ABCC3: variants seen among roughly 807,000 people sequenced by gnomAD.
The protein encoded by ABCC3 is ATP-binding cassette sub-family C member 3.
In ABCC3, 121 loss-of-function variants were observed where a neutral mutation model predicts 165.3. That is an observed-to-expected ratio of 0.73 (90% CI 0.63 to 0.85). The LOEUF (loss-of-function observed/expected upper bound fraction) is 0.85. ABCC3 is among the 40% of genes least tolerant of loss of function. The probability of loss-of-function intolerance (pLI) is 0.00; values close to 1 mark genes in which losing one functional copy is unlikely to be tolerated. For missense variants in ABCC3, 1,869 were observed against 1,964.1 expected, an observed-to-expected ratio of 0.95 and a Z score of 0.92; for synonymous variants, 733 against 810.1, an observed-to-expected ratio of 0.90 and a Z score of 1.62.
In ABCC3 at chr17:50,652,686, G is replaced by A. The variant is rs373275863; in HGVS notation, c.46-3146G>A. On this transcript the variant is annotated intron_variant, in intron 1 of 30. Coordinates refer to ENST00000285238, the MANE Select transcript of ABCC3 (RefSeq NM_003786.4). Reference sequence around the variant, plus strand: ...ATTGTTGTTCATGAAGTTAGCCACCGTCCCAGAAAGTGGCGTCTCAGACTC... The same window carrying A: ...ATTGTTGTTCATGAAGTTAGCCACCATCCCAGAAAGTGGCGTCTCAGACTC... 2.1e-4 allele frequency among the ~76,000 whole-genome samples: 32 copies of A among 152,274 alleles called. No individual in the cohort carries two copies. The East Asian group carries it at 3.3e-3, about 16-fold the overall frequency.
rs1322909969 is a variant in ABCC3 at position 50,657,084 on chromosome 17, G to A, written c.387G>A (p.Gln129=). The change falls in exon 4 of 31, where the codon CAG becomes CAA. Residue 129 remains glutamine (Q), a synonymous_variant. Coordinates refer to ENST00000285238, the MANE Select transcript of ABCC3 (RefSeq NM_003786.4). ...TGCTGATACAGTATGAGCGGCTGCA[G>A]GGCGTACAGTCTTCGGGGGTCCTCA... ...ATLLIQYERL[Q]GVQSSGVLII... is the part of the protein sequence containing the mutation. 1 of 1,614,194 alleles carries A rather than the reference G, an allele frequency of 6.2e-7. No homozygotes were observed. The highest frequency in any genetic ancestry group is 1.1e-5 in the South Asian group (1 of 91,084).
chr17:50,681,407 C>G (rs980453782), intron 26 of ABCC3, among the ~76,000 whole-genome samples: 1 of 152,184 alleles, frequency 6.6e-6, no homozygotes, highest in Non-Finnish European at 1.5e-5. Context: ...AGCCCAGCCC[C>G]TCCATTTCTT....
chr17:50,678,292 C>A, intron 25 of ABCC3, 73 bp downstream of exon 25: 1 of 1,469,146 alleles, frequency 6.8e-7, no homozygotes, highest in South Asian at 1.5e-5. Context: ...AGGCATCTCC[C>A]GAGTGCCCCT....
chr17:50,672,938 A>G, intron 17 of ABCC3, 33 bp from the exon 18 acceptor site: 1 of 1,603,636 alleles, frequency 6.2e-7, no homozygotes, highest in Non-Finnish European at 8.5e-7. Context: ...TGCCTGTCTG[A>G]CCCCATTTTT....
chr17:50,655,807 A>C (rs1343847880), intron 1 of ABCC3, 25 bp from the exon 2 acceptor site: 3 of 1,611,556 alleles, frequency 1.9e-6, no homozygotes, highest in Non-Finnish European at 2.5e-6. Flanking sequence ...CTGCCACAGC[A>C]CTAAACTGTT....
chr17:50,673,512 C>T lies in ABCC3; in HGVS notation c.2453C>T (p.Thr818Ile). 6.2e-7 allele frequency: 1 copy of T among 1,614,170 alleles called. No individual in the cohort carries two copies. The highest frequency in any genetic ancestry group is 1.3e-5 in the African/African-American group (1 of 75,046). Residue 818 changes from threonine (T) to isoleucine (I), a missense_variant, in exon 19 of 31, where the codon ACA (threonine) becomes ATA (isoleucine). Thr to Ile is a moderately conservative substitution (Grantham distance 89). Coordinates refer to ENST00000285238, the MANE Select transcript of ABCC3 (RefSeq NM_003786.4). ...VTHGISFLPQ[T>I]DFIIVLADGQ... ...CACGGCATTAGCTTCCTGCCCCAGA[C>T]AGACTTCATCATTGTGCTAGCTGAT...
At chr17:50,679,620 G>A in intron 25 of ABCC3, 178 bp from the exon 26 acceptor site, 1 of 582,688 alleles carries the variant, frequency 1.7e-6, no homozygotes, top group Admixed American at 3.0e-5. Flanking sequence ...GCCCAAGGGA[G>A]TCATTCGTGA....
intron 4 of ABCC3, 74 bp downstream of exon 4, chr17:50,657,257 G>T: frequency 1.3e-6 from 2 of 1,562,010 alleles, no homozygotes. Flanking sequence ...CAAAGTCACT[G>T]CTGGGTCCCA....
At chr17:50,685,934 G>A (rs1401406790) in intron 29 of ABCC3, among the ~76,000 whole-genome samples, 53 of 152,230 alleles carry the variant, frequency 3.5e-4, no homozygotes, top group East Asian at 1.9e-4. Flanking sequence ...AGTGGCTCAC[G>A]CCTGTAATCC....
chr17:50,663,653 C>T (rs761382655), intron 8 of ABCC3, 28 bp from the exon 9 acceptor site: 51 of 1,612,276 alleles, frequency 3.2e-5, no homozygotes, highest in Non-Finnish European at 4.2e-5. Flanking sequence ...GCAGCACTGC[C>T]CACCTCACTC....
chr17:50,658,213 T>C lies in ABCC3; in HGVS notation c.612+6T>C, dbSNP rs1364537953. Reference sequence around the variant, plus strand: ...CCGCAAAGAATGTCGACCCTGTGAGTTTCCCATGGAGGGTGCGGGGGCTCC... The same window carrying C: ...CCGCAAAGAATGTCGACCCTGTGAGCTTCCCATGGAGGGTGCGGGGGCTCC... On this transcript the variant is annotated splice_donor_region_variant and intron_variant, in intron 5 of 30. Transcript: ENST00000285238. 6.2e-7 allele frequency: 1 copy of C among 1,614,148 alleles called. No homozygotes were observed. The highest frequency in any genetic ancestry group is 8.5e-7 in the Non-Finnish European group (1 of 1,180,010).
chr17:50,658,259 A>C, intron 5 of ABCC3, 52 bp downstream of exon 5: 2 of 1,613,200 alleles, frequency 1.2e-6, no homozygotes, highest in Non-Finnish European at 1.7e-6. Context: ...CCTCAGCCCA[A>C]CTCTGACCAG....
chr17:50,648,054 T>C (rs977285494), intron 1 of ABCC3, among the ~76,000 whole-genome samples: 1 of 150,990 alleles, frequency 6.6e-6, no homozygotes, highest in Non-Finnish European at 1.5e-5. Context: ...AAAAAAAAAA[T>C]TGTAGTTGGA....
intron 1 of ABCC3, among the ~76,000 whole-genome samples, chr17:50,645,371 CAAAAAAAAAAAAA>C (rs141598761): frequency 3.3e-3 from 154 of 46,878 alleles, no homozygotes; most frequent in South Asian, 0.015. Flanking sequence ...AAGATTCCAT[CAAAAAAAAAAAAA>C]AAAAAAAAAA....
At chr17:50,657,943 C>A in intron 4 of ABCC3, 139 bp from the exon 5 acceptor site, 2 of 1,188,144 alleles carry the variant, frequency 1.7e-6, no homozygotes, top group Non-Finnish European at 2.4e-6. Flanking sequence ...TCTCAGAGTC[C>A]TCTGAGTGGG....
chr17:50,658,488 G>C lies in ABCC3; in HGVS notation c.666G>C (p.Trp222Cys). 1 of 1,614,042 alleles carries C rather than the reference G, an allele frequency of 6.2e-7. No individual in the cohort carries two copies. Among genetic ancestry groups the C allele is most frequent in the Non-Finnish European group, 8.5e-7 (1 of 1,179,878 alleles). Residue 222 changes from tryptophan to cysteine, a missense_variant, in exon 6 of 31, where the codon TGG (tryptophan) becomes TGC (cysteine). Trp to Cys is a radical substitution (Grantham distance 215). Transcript: ENST00000285238. ...AGFLSRLFFW[W>C]FTKMAIYGYR... ...TTCTCTCCCGCCTGTTTTTCTGGTG[G>C]TTCACAAAGTGAGTTGGCTCTTCCA...
At chr17:50,683,352 A>AG (rs1218237804) in intron 26 of ABCC3, among the ~76,000 whole-genome samples, 1 of 133,998 alleles carries the variant, frequency 7.5e-6, no homozygotes, top group Non-Finnish European at 1.6e-5. Flanking sequence ...TCAAAAATTA[A>AG]AAAAAAAAAA....
intron 6 of ABCC3, chr17:50,659,034 A>C: frequency 5.8e-6 from 3 of 515,328 alleles, no homozygotes; most frequent in East Asian, 3.5e-5. Context: ...AGAAGGGGGT[A>C]GTGGTAGGAA....
chr17:50,654,830 C>T (rs1487030636), intron 1 of ABCC3, among the ~76,000 whole-genome samples: 2 of 151,842 alleles, frequency 1.3e-5, no homozygotes, highest in Non-Finnish European at 2.9e-5. Context: ...CAGTGGCTCA[C>T]GCCTGTAATC....
Sources: gnomAD v4.1 joint callset for allele counts (sites outside exome capture counted in the v4.1 genomes callset) on GRCh38, gnomAD v4.1.1 for gene constraint, MANE v1.5 for transcripts, NCBI Gene and HGNC (gene_info 2026-07-23, HGNC 2026-07-21) for gene names.